The following SLC24A2 variants were observed in gnomAD, a reference collection of about 807,000 sequenced individuals.
SLC24A2 encodes the protein solute carrier family 24 member 2.
In SLC24A2, 36 loss-of-function variants were observed where a neutral mutation model predicts 62.0. The observed-to-expected ratio is 0.58, with a 90% CI of 0.44 to 0.77. The LOEUF is 0.77. SLC24A2 is among the 30% of genes least tolerant of loss of function. SLC24A2 has a pLI of 0.00. For missense variants in SLC24A2, 846 were observed against 817.9 expected (o/e 1.03, Z -0.42); for synonymous variants, 358 against 294.0 (o/e 1.22, Z -2.23).
At chr9:19,831,723 G>A in the SLC24A2 span, among the ~76,000 whole-genome samples, 1 of 152,064 alleles carries the variant, frequency 6.6e-6, no homozygotes, top group South Asian at 2.1e-4. Flanking sequence ...CTGGTAGTGA[G>A]AAAAAAATCT....
chr9:19,686,669 T>G (rs770839501), intron 2 of SLC24A2, among the ~76,000 whole-genome samples: 1 of 152,128 alleles, frequency 6.6e-6, no homozygotes, highest in Non-Finnish European at 1.5e-5. Flanking sequence ...CCTGCCGTCA[T>G]GTGAAGAAGG....
At chr9:20,211,045 GA>G in the SLC24A2 span, among the ~76,000 whole-genome samples, 1 of 151,280 alleles carries the variant, frequency 6.6e-6, no homozygotes, top group Non-Finnish European at 1.5e-5. Flanking sequence ...GAAAGAAGAG[GA>G]AAAAAGATCT....
In SLC24A2 at chr9:19,510,161, C is replaced by G. The variant is rs1276266538; in HGVS notation, c.*5992G>C. The G allele has an allele frequency of 6.6e-6, 1 of 152,078 alleles. No homozygotes were observed. Among genetic ancestry groups the G allele is most frequent in the African/African-American group, 2.4e-5 (1 of 41,406 alleles). The allele number at this position is 152,078 out of a possible 1,614,324, so 9.4% of individuals were successfully genotyped here. ...CCTTAAAAGCAGTTTGTGACCTTGA[C>G]TTCACCAGAGCTTCATGGTCATGCT... On this transcript the variant is annotated 3_prime_UTR_variant, in exon 11 of 11. Coordinates refer to ENST00000341998, the MANE Select transcript of SLC24A2 (RefSeq NM_020344.4).
the SLC24A2 span, among the ~76,000 whole-genome samples, chr9:19,932,685 C>T: frequency 6.6e-6 from 1 of 152,232 alleles, no homozygotes; most frequent in Non-Finnish European, 1.5e-5. Flanking sequence ...TAGTTTTCAA[C>T]TCTTGCCACT....
At chr9:20,197,427 C>CTTTTT in the SLC24A2 span, among the ~76,000 whole-genome samples, 62 of 93,152 alleles carry the variant, frequency 6.7e-4, 1 homozygote, top group Middle Eastern at 6.8e-3. Context: ...CTCTCTCTCT[C>CTTTTT]TTTTTTTTTT....
chr9:19,708,510 G>A (rs1010393373), intron 2 of SLC24A2, among the ~76,000 whole-genome samples: 9 of 152,080 alleles, frequency 5.9e-5, no homozygotes, highest in African/African-American at 9.7e-5. Context: ...AAACTATACT[G>A]CAAGGCTACA....
chr9:19,900,924 T>C, the SLC24A2 span, among the ~76,000 whole-genome samples: 23 of 152,274 alleles, frequency 1.5e-4, no homozygotes, highest in Middle Eastern at 3.4e-3. Context: ...ATATCACAGG[T>C]AGACAACAAA....
the SLC24A2 span, among the ~76,000 whole-genome samples, chr9:19,910,951 T>C: frequency 2.0e-5 from 3 of 151,698 alleles, no homozygotes; most frequent in African/African-American, 7.3e-5. Flanking sequence ...AGTTTTAGGG[T>C]ACATGTGCAC....
intron 2 of SLC24A2, among the ~76,000 whole-genome samples, chr9:19,707,663 A>C (rs1227227453): frequency 6.6e-6 from 1 of 152,256 alleles, no homozygotes; most frequent in Admixed American, 6.5e-5. Context: ...CCACATGATT[A>C]TCTCAATAGA....
In SLC24A2 at chr9:19,786,637, C is replaced by A; in HGVS notation, c.230G>T (p.Arg77Met). The change falls in exon 2 of 11, where the codon AGG (arginine) becomes ATG (methionine). Residue 77 changes from arginine (R) to methionine (M), a missense_variant. By Grantham distance (91) the Arg-to-Met change is moderately conservative. Transcript: ENST00000341998. The surrounding 1 kb of genome is among the most constrained non-coding windows in gnomAD (Gnocchi z 5.0). ...TCTCTGATGGTAACCCTGTGCTACC[C>A]TAGGGCCACTTACAACACTGGCCTC... Reference protein sequence around the residue: ...TGEASVVSGPRVAQGYHQRTL... With the variant: ...TGEASVVSGPMVAQGYHQRTL... 6.2e-7 allele frequency: 1 copy of A among 1,614,054 alleles called. No homozygotes were observed. The highest frequency in any genetic ancestry group is 8.5e-7 in the Non-Finnish European group (1 of 1,179,968).
At chr9:20,053,858 C>A in the SLC24A2 span, among the ~76,000 whole-genome samples, 1 of 152,214 alleles carries the variant, frequency 6.6e-6, no homozygotes, top group Non-Finnish European at 1.5e-5. Flanking sequence ...GCTGCCCAAA[C>A]ATACCAAGAC....
the SLC24A2 span, among the ~76,000 whole-genome samples, chr9:19,881,636 G>A: frequency 1.3e-5 from 2 of 152,100 alleles, no homozygotes; most frequent in Non-Finnish European, 2.9e-5. Flanking sequence ...GTTAACTTAG[G>A]GGTACACACT....
chr9:19,766,714 A>G (rs748132637), intron 2 of SLC24A2, among the ~76,000 whole-genome samples: 57 of 152,276 alleles, frequency 3.7e-4, no homozygotes, highest in Non-Finnish European at 7.2e-4. Flanking sequence ...GTTCTCCTGT[A>G]TGAGTTGTCT....
chr9:19,548,711 C>G (rs1834698822), intron 8 of SLC24A2, among the ~76,000 whole-genome samples: 2 of 152,150 alleles, frequency 1.3e-5, no homozygotes, highest in South Asian at 4.1e-4. Flanking sequence ...GAAAATGGAG[C>G]TGTCCACAAT....
the SLC24A2 span, among the ~76,000 whole-genome samples, chr9:19,908,924 C>T: frequency 6.6e-6 from 1 of 152,036 alleles, no homozygotes; most frequent in East Asian, 1.9e-4. Context: ...GTCAGTGTGG[C>T]GATTCCTCAG....
chr9:20,189,963 C>G, the SLC24A2 span, among the ~76,000 whole-genome samples: 1 of 152,098 alleles, frequency 6.6e-6, no homozygotes, highest in African/African-American at 2.4e-5. Context: ...CATTCAGACT[C>G]GAAGACAGCC....
intron 7 of SLC24A2, among the ~76,000 whole-genome samples, chr9:19,568,350 C>T (rs529741266): frequency 1.3e-5 from 2 of 152,280 alleles, no homozygotes; most frequent in East Asian, 3.9e-4. Context: ...CCAAATCTTC[C>T]CAATTCTGGC....
chr9:20,287,101 G>A, the SLC24A2 span, among the ~76,000 whole-genome samples: 1 of 152,182 alleles, frequency 6.6e-6, no homozygotes, highest in African/African-American at 2.4e-5. Flanking sequence ...GCAGTGAGCT[G>A]CATTCCGGGA....
At chr9:19,623,146 CCTT>C (rs1341990063) in intron 2 of SLC24A2, among the ~76,000 whole-genome samples, 4 of 152,210 alleles carry the variant, frequency 2.6e-5, no homozygotes, top group Non-Finnish European at 4.4e-5. Context: ...TGGCAACTCT[CCTT>C]CTTCGCCAGA....
Sources: gnomAD v4.1 joint callset for allele counts (sites outside exome capture counted in the v4.1 genomes callset) on GRCh38, gnomAD v4.1.1 for gene constraint, Gnocchi (gnomAD v3.1) non-coding constraint, MANE v1.5 for transcripts, NCBI Gene and HGNC (gene_info 2026-07-23, HGNC 2026-07-21) for gene names.